The following TMEM132C variants were observed in gnomAD, a reference collection of about 807,000 sequenced individuals.
The protein encoded by TMEM132C is transmembrane protein 132C.
Under a neutral mutation model 61.4 loss-of-function variants are expected in TMEM132C, and 29 were observed. The ratio of observed to expected loss-of-function variants is 0.47; its 90% CI spans 0.35 to 0.64. TMEM132C has a LOEUF of 0.64. TMEM132C is among the 30% of genes least tolerant of loss of function. The probability of loss-of-function intolerance (pLI) is 0.00; values close to 1 mark genes in which losing one functional copy is unlikely to be tolerated. For synonymous variants in TMEM132C, 656 were observed against 633.1 expected, an observed-to-expected ratio of 1.04 and a Z score of -0.54; for missense variants, 1,408 against 1,476.9, an observed-to-expected ratio of 0.95 and a Z score of 0.76.
intron 4 of TMEM132C, among the ~76,000 whole-genome samples, chr12:128,645,935 T>A (rs573704143): frequency 3.3e-5 from 5 of 151,940 alleles, no homozygotes; most frequent in African/African-American, 4.8e-5. Context: ...CCATCAGTGC[T>A]GGATGTGAGT....
intron 1 of TMEM132C, among the ~76,000 whole-genome samples, chr12:128,356,731 G>T (rs1456349775): frequency 6.6e-6 from 1 of 152,248 alleles, no homozygotes; most frequent in East Asian, 1.9e-4. Flanking sequence ...TAATTCGGTT[G>T]TAATGAACCG....
At chr12:128,557,651 A>C (rs777974714) in intron 3 of TMEM132C, among the ~76,000 whole-genome samples, 5 of 152,166 alleles carry the variant, frequency 3.3e-5, no homozygotes, top group Non-Finnish European at 7.3e-5. Context: ...GTCTCAGAGA[A>C]CATATTCACA....
Position 128,492,931 on chromosome 12 carries a change from A to G in TMEM132C, c.975-51026A>G, listed in dbSNP as rs373005109. On this transcript the variant is annotated intron_variant, in intron 2 of 8. Coordinates refer to ENST00000435159, the MANE Select transcript of TMEM132C (RefSeq NM_001136103.3). ...AGTCATGAAGTCCTTGCCTATGCCT[A>G]TGTCCTGAATGGTATTGCCTAGGTT... is the stretch of plus-strand genomic sequence containing the variant. 1.1e-3 allele frequency among the ~76,000 whole-genome samples: 172 copies of G among 152,294 alleles called. 1 individual carries two copies. Among genetic ancestry groups the G allele is most frequent in the Middle Eastern group, 0.01 (3 of 294 alleles).
chr12:128,594,002 A>G (rs1456525380), intron 3 of TMEM132C, among the ~76,000 whole-genome samples: 3 of 151,892 alleles, frequency 2.0e-5, no homozygotes, highest in Non-Finnish European at 4.4e-5. Context: ...GTACCCCAAC[A>G]TAAGACCTGC....
At chr12:128,333,785 A>T (rs1872725768) in intron 1 of TMEM132C, among the ~76,000 whole-genome samples, 1 of 145,678 alleles carries the variant, frequency 6.9e-6, no homozygotes, top group South Asian at 2.2e-4. Flanking sequence ...TATGGTGTAT[A>T]TATGTGTGGC....
chr12:128,268,607 GC>G (rs1445286899), intron 1 of TMEM132C, among the ~76,000 whole-genome samples: 2 of 152,138 alleles, frequency 1.3e-5, no homozygotes, highest in Non-Finnish European at 2.9e-5. Flanking sequence ...TCCAGTATCG[GC>G]CCCAGGCTCT....
At chr12:128,478,384 A>T (rs865798558) in intron 2 of TMEM132C, among the ~76,000 whole-genome samples, 1 of 152,184 alleles carries the variant, frequency 6.6e-6, no homozygotes, top group Admixed American at 6.5e-5. Flanking sequence ...TCCACCTCTT[A>T]ACATCAGGAG....
At chr12:128,437,081 G>T (rs986640749) in intron 2 of TMEM132C, among the ~76,000 whole-genome samples, 3 of 152,116 alleles carry the variant, frequency 2.0e-5, no homozygotes, top group African/African-American at 7.2e-5. Context: ...TCAATCATAG[G>T]TGGGAATTGA....
At position 128,582,230 on chromosome 12, in the gene TMEM132C, A is replaced by T. The variant is rs776585356; in HGVS notation, c.1122-33922A>T. Among the ~76,000 whole-genome samples, 32 of 152,380 alleles carry T rather than the reference A, an allele frequency of 2.1e-4. 1 individual carries two copies. Among genetic ancestry groups the T allele is most frequent in the Middle Eastern group, 6.8e-3 (2 of 294 alleles). ...CACTGGAAAGGAAATAAAAATTGCC[A>T]TTAAACCTGGGAAAAGATATTCATA... is the stretch of plus-strand genomic sequence containing the variant. On this transcript the variant is annotated intron_variant, in intron 3 of 8. Transcript: ENST00000435159.
intron 1 of TMEM132C, among the ~76,000 whole-genome samples, chr12:128,287,503 ATATC>A (rs1046877818): frequency 4.7e-5 from 7 of 147,882 alleles, no homozygotes; most frequent in Admixed American, 2.7e-4. Flanking sequence ...ATCTATATCT[ATATC>A]TATATCTATA....
intron 1 of TMEM132C, among the ~76,000 whole-genome samples, chr12:128,367,278 G>A (rs1350952135): frequency 6.6e-6 from 1 of 152,212 alleles, no homozygotes; most frequent in Non-Finnish European, 1.5e-5. Context: ...CACGTCCAGA[G>A]ATGTGTCTGT....
At chr12:128,603,442 C>T (rs922955747) in intron 3 of TMEM132C, among the ~76,000 whole-genome samples, 4 of 152,166 alleles carry the variant, frequency 2.6e-5, no homozygotes, top group Non-Finnish European at 5.9e-5. Flanking sequence ...AGGAAACTGG[C>T]TCAAAGTGAG....
chr12:128,361,370 A>C (rs921624633), intron 1 of TMEM132C, among the ~76,000 whole-genome samples: 1 of 152,144 alleles, frequency 6.6e-6, no homozygotes, highest in Admixed American at 6.5e-5. Context: ...GTTGGCCAGA[A>C]GCTCCAAGGA....
chr12:128,329,182 T>G (rs1331070321), intron 1 of TMEM132C, among the ~76,000 whole-genome samples: 1 of 152,214 alleles, frequency 6.6e-6, no homozygotes. Flanking sequence ...TCTCAGGAAT[T>G]CAGTATTTCA....
At chr12:128,413,870 A>G (rs992495156) in intron 1 of TMEM132C, among the ~76,000 whole-genome samples, 1 of 152,130 alleles carries the variant, frequency 6.6e-6, no homozygotes, top group Non-Finnish European at 1.5e-5. Context: ...AGGCAAATTT[A>G]TTATTTTTTA....
At chr12:128,586,825 C>G (rs1471452609) in intron 3 of TMEM132C, among the ~76,000 whole-genome samples, 1 of 152,250 alleles carries the variant, frequency 6.6e-6, no homozygotes. Flanking sequence ...TGTGCTCAGA[C>G]TCAGCAAAAG....
chr12:128,415,137 G>T lies in TMEM132C; in HGVS notation c.491G>T (p.Gly164Val), dbSNP rs775116754. 1 of 1,610,212 alleles carries T rather than the reference G, an allele frequency of 6.2e-7. No homozygotes were observed. The highest frequency in any genetic ancestry group is 8.5e-7 in the Non-Finnish European group (1 of 1,178,250). Residue 164 changes from glycine to valine, a missense_variant, in exon 2 of 9, where the codon GGG becomes GTG. Gly to Val is a moderately radical substitution (Grantham distance 109). Transcript: ENST00000435159. This position sits in a 1 kb window ranked among gnomAD's most constrained non-coding sequence, Gnocchi z 5.8. ...MGRDWDDHGA[G>V]EKLPCLRVFA... The stretch of plus-strand genomic sequence containing the variant: ...AGAGACTGGGATGACCACGGCGCCG[G>T]GGAGAAGCTGCCATGCCTGAGGGTC...
chr12:128,297,223 A>T (rs965541066), intron 1 of TMEM132C, among the ~76,000 whole-genome samples: 5 of 152,124 alleles, frequency 3.3e-5, no homozygotes, highest in African/African-American at 1.2e-4. Context: ...AGTGAAGGGG[A>T]TAATATGGTA....
At chr12:128,643,557 A>T (rs1169814297) in intron 4 of TMEM132C, among the ~76,000 whole-genome samples, 1 of 152,088 alleles carries the variant, frequency 6.6e-6, no homozygotes, top group Non-Finnish European at 1.5e-5. Context: ...TGGGGCCCCA[A>T]AAATCTCAGT....
Sources: gnomAD v4.1 joint callset for allele counts (sites outside exome capture counted in the v4.1 genomes callset) on GRCh38, gnomAD v4.1.1 for gene constraint, Gnocchi (gnomAD v3.1) non-coding constraint, MANE v1.5 for transcripts, NCBI Gene and HGNC (gene_info 2026-07-23, HGNC 2026-07-21) for gene names.